The following SLIT3 variants were observed in gnomAD, a reference collection of about 807,000 sequenced individuals.
SLIT3 encodes the protein slit guidance ligand 3, also known as slit homolog 3 protein.
A neutral mutation model predicts 184.0 loss-of-function variants in SLIT3; 68 were observed. The ratio of observed to expected loss-of-function variants is 0.37; its 90% CI spans 0.30 to 0.45. The LOEUF is 0.45. Ranked by LOEUF, SLIT3 falls within the 20% of genes least tolerant of loss-of-function variation. SLIT3 has a pLI of 1.00. For missense variants in SLIT3, 1,707 were observed against 2,026.0 expected (o/e 0.84, Z 3.02); for synonymous variants, 831 against 828.6 (o/e 1.00, Z -0.05).
At chr5:168,835,592 T>C (rs1758023794) in intron 6 of SLIT3, among the ~76,000 whole-genome samples, 1 of 152,010 alleles carries the variant, frequency 6.6e-6, no homozygotes, top group Non-Finnish European at 1.5e-5. Context: ...GCAGATCACT[T>C]GAGGTCAGGA....
chr5:168,763,936 C>T (rs1266312075), intron 14 of SLIT3, among the ~76,000 whole-genome samples: 6 of 152,138 alleles, frequency 3.9e-5, no homozygotes, highest in African/African-American at 1.4e-4. Context: ...TTTGTTTGCT[C>T]CACTAGGTGA....
At chr5:169,149,491 C>G (rs1762043356) in intron 4 of SLIT3, among the ~76,000 whole-genome samples, 1 of 152,078 alleles carries the variant, frequency 6.6e-6, no homozygotes, top group Non-Finnish European at 1.5e-5. Context: ...GTAAGAGACC[C>G]AGACTCCAGA....
intron 5 of SLIT3, among the ~76,000 whole-genome samples, chr5:168,846,118 G>A (rs1287242253): frequency 1.3e-5 from 2 of 152,130 alleles, no homozygotes; most frequent in Non-Finnish European, 2.9e-5. Flanking sequence ...CAAATAAAAC[G>A]CAATAGAGTG....
chr5:169,275,850 G>T (rs1431259867), intron 1 of SLIT3, among the ~76,000 whole-genome samples: 1 of 152,182 alleles, frequency 6.6e-6, no homozygotes, highest in Admixed American at 6.5e-5. Flanking sequence ...CAGGGATGGA[G>T]CTCAGAACTG....
Position 169,204,908 on chromosome 5 carries a change from T to C in SLIT3, c.342-11358A>G, listed in dbSNP as rs531994490. On this transcript the variant is annotated intron_variant, in intron 3 of 35. Transcript: ENST00000519560. ...AGTGGTCATGAGCTGTAAGTGAGATTCGTCCACAGAAGTGTGTGTGTTTCT... is the reference window on the plus strand; with the variant it reads ...AGTGGTCATGAGCTGTAAGTGAGATCCGTCCACAGAAGTGTGTGTGTTTCT... Among the ~76,000 whole-genome samples, 6 of 152,344 alleles carry C rather than the reference T, an allele frequency of 3.9e-5. No homozygotes were observed. In the South Asian group the frequency reaches 1.2e-3, roughly 32 times the overall value.
At chr5:169,104,253 A>G (rs1473333927) in intron 4 of SLIT3, among the ~76,000 whole-genome samples, 3 of 152,158 alleles carry the variant, frequency 2.0e-5, no homozygotes, top group African/African-American at 7.2e-5. Context: ...CCGTGGAATC[A>G]CCTGCCTTTT....
chr5:168,827,469 A>G (rs1757743095), intron 6 of SLIT3, among the ~76,000 whole-genome samples: 2 of 152,152 alleles, frequency 1.3e-5, no homozygotes, highest in Non-Finnish European at 2.9e-5. Context: ...AGCTCCAAAC[A>G]GCCATTGAAG....
At chr5:168,895,126 A>T (rs1760616314) in intron 4 of SLIT3, among the ~76,000 whole-genome samples, 1 of 152,214 alleles carries the variant, frequency 6.6e-6, no homozygotes, top group Non-Finnish European at 1.5e-5. Context: ...GGAGAAGTTG[A>T]AGCCACTTCC....
At chr5:169,270,254 C>A (rs759709540) in intron 1 of SLIT3, among the ~76,000 whole-genome samples, 12 of 152,176 alleles carry the variant, frequency 7.9e-5, no homozygotes, top group Non-Finnish European at 1.8e-4. Context: ...AGTGCCAGGA[C>A]CGAGTCTAAT....
chr5:169,247,467 C>T (rs1363474082), intron 2 of SLIT3, among the ~76,000 whole-genome samples: 1 of 152,124 alleles, frequency 6.6e-6, no homozygotes, highest in East Asian at 1.9e-4. Flanking sequence ...ATTGTAAGTA[C>T]CACATTCCCT....
chr5:168,764,170 C>G (rs1164250195), intron 14 of SLIT3, among the ~76,000 whole-genome samples: 1 of 152,204 alleles, frequency 6.6e-6, no homozygotes, highest in Non-Finnish European at 1.5e-5. Context: ...GCTTGTGACT[C>G]TAGCAACTGC....
chr5:168,938,938 A>G (rs1412662156), intron 4 of SLIT3, among the ~76,000 whole-genome samples: 1 of 151,992 alleles, frequency 6.6e-6, no homozygotes, highest in Non-Finnish European at 1.5e-5. Flanking sequence ...CTATACAATG[A>G]TTATATAGAG....
chr5:168,893,616 G>C (rs781097349), intron 4 of SLIT3, among the ~76,000 whole-genome samples: 1 of 152,114 alleles, frequency 6.6e-6, no homozygotes, highest in Non-Finnish European at 1.5e-5. Flanking sequence ...CCTTGTTCCC[G>C]TGTCTTCTTT....
intron 4 of SLIT3, among the ~76,000 whole-genome samples, chr5:169,073,181 TC>T (rs1305027274): frequency 6.6e-6 from 1 of 152,188 alleles, no homozygotes; most frequent in Non-Finnish European, 1.5e-5. Context: ...ACTTGGTTTC[TC>T]CATGTAACAA....
intron 4 of SLIT3, among the ~76,000 whole-genome samples, chr5:169,133,677 G>A (rs1761388728): frequency 6.6e-6 from 1 of 152,218 alleles, no homozygotes; most frequent in Non-Finnish European, 1.5e-5. Context: ...GTGATTGTCT[G>A]CAACTTGCAG....
chr5:168,907,080 T>C (rs4464714), intron 4 of SLIT3, among the ~76,000 whole-genome samples: 62,323 of 152,094 alleles, frequency 0.41, 14,254 homozygotes, highest in East Asian at 0.63. Flanking sequence ...AGGCTGGTCT[T>C]GAATTCCTGA....
intron 16 of SLIT3, 31 bp from the exon 17 acceptor site, chr5:168,754,038 C>G (rs375320010): frequency 1.1e-5 from 17 of 1,537,620 alleles, no homozygotes; most frequent in Non-Finnish European, 1.3e-5. Context: ...AGGGGAGAAT[C>G]AAAAGGAGCA....
chr5:168,675,561 C>T (rs1361537138), intron 32 of SLIT3, among the ~76,000 whole-genome samples: 1 of 152,090 alleles, frequency 6.6e-6, no homozygotes, highest in African/African-American at 2.4e-5. Context: ...AGAGAGGGTA[C>T]GTGAAAGTGC....
intron 20 of SLIT3, among the ~76,000 whole-genome samples, chr5:168,738,860 C>T (rs542082874): frequency 4.1e-5 from 6 of 145,748 alleles, no homozygotes; most frequent in African/African-American, 1.5e-4. Flanking sequence ...ATGGCGTGAA[C>T]CCAGGAGGCG....
Sources: gnomAD v4.1 joint callset for allele counts (sites outside exome capture counted in the v4.1 genomes callset) on GRCh38, gnomAD v4.1.1 for gene constraint, MANE v1.5 for transcripts, NCBI Gene and HGNC (gene_info 2026-07-23, HGNC 2026-07-21) for gene names.